RUNX1: variants seen among roughly 807,000 people sequenced by gnomAD.
The protein encoded by RUNX1 is runt-related transcription factor 1.
A neutral mutation model predicts 42.8 loss-of-function variants in RUNX1; 19 were observed. The ratio of observed to expected loss-of-function variants is 0.44; its 90% CI spans 0.31 to 0.65. The LOEUF (loss-of-function observed/expected upper bound fraction) is 0.65, where lower values mean the gene tolerates loss of function less well. Ranked by LOEUF, RUNX1 falls within the 30% of genes least tolerant of loss-of-function variation. RUNX1 has a pLI of 0.07. For missense variants in RUNX1, 528 were observed against 672.0 expected (o/e 0.79, Z 2.37); for synonymous variants, 271 against 289.4 (o/e 0.94, Z 0.64).
intron 2 of RUNX1, among the ~76,000 whole-genome samples, chr21:35,026,234 C>A (rs145274945): frequency 4.5e-4 from 69 of 152,320 alleles, no homozygotes; most frequent in African/African-American, 1.6e-3. Flanking sequence ...ACATTCTTTA[C>A]CTCGGGGGGT....
intron 7 of RUNX1, among the ~76,000 whole-genome samples, chr21:34,807,976 G>C (rs1274213973): frequency 2.0e-5 from 3 of 152,228 alleles, no homozygotes; most frequent in South Asian, 2.1e-4. Flanking sequence ...CTCTGCAGCA[G>C]GGAGCAAAGC....
At chr21:34,827,238 A>G (rs138523556) in intron 7 of RUNX1, among the ~76,000 whole-genome samples, 115 of 152,342 alleles carry the variant, frequency 7.5e-4, no homozygotes, top group African/African-American at 2.5e-3. Context: ...AGAGGGATGA[A>G]CTAGGATATT....
rs142909211 is a variant in RUNX1 at position 34,798,227 on chromosome 21, G to A, written c.967+1074C>T. ...CCCGCCCCGTTCCCCCAACACACAT[G>A]CGAGTGTGTTTGCAGGCATCATAAC... On this transcript the variant is annotated intron_variant, in intron 8 of 8. Coordinates refer to ENST00000675419, the MANE Select transcript of RUNX1 (RefSeq NM_001754.5). The A allele has an allele frequency of 3.6e-3, 1,584 of 434,054 alleles. 7 individuals carry two copies. Among genetic ancestry groups the A allele is most frequent in the Non-Finnish European group, 5.9e-3 (1,251 of 212,548 alleles). The allele number at this position is 434,054 out of a possible 1,614,324, so 26.9% of individuals were successfully genotyped here. A position where few individuals can be genotyped will look rare whatever the true frequency, so the allele number is the denominator to read the frequency against.
intron 7 of RUNX1, among the ~76,000 whole-genome samples, chr21:34,801,433 C>T (rs532596613): frequency 2.6e-5 from 4 of 152,318 alleles, no homozygotes; most frequent in Admixed American, 6.5e-5. Context: ...TTAAACCATG[C>T]AAACGTTGCA....
chr21:34,823,603 C>T (rs1487784016), intron 7 of RUNX1, among the ~76,000 whole-genome samples: 1 of 151,956 alleles, frequency 6.6e-6, no homozygotes, highest in Non-Finnish European at 1.5e-5. Context: ...GCCACCACAC[C>T]CAGCTGATTT....
intron 7 of RUNX1, among the ~76,000 whole-genome samples, chr21:34,803,933 C>T (rs2056643731): frequency 6.6e-6 from 1 of 152,182 alleles, no homozygotes; most frequent in African/African-American, 2.4e-5. Flanking sequence ...CCTGTTGCTT[C>T]TAGTTTCAGT....
At chr21:34,873,056 G>A (rs1204025483) in intron 5 of RUNX1, among the ~76,000 whole-genome samples, 2 of 152,146 alleles carry the variant, frequency 1.3e-5, no homozygotes, top group African/African-American at 2.4e-5. Flanking sequence ...ATTATGATGT[G>A]AGTTAGACTA....
At chr21:34,958,047 T>C (rs1017821735) in intron 2 of RUNX1, among the ~76,000 whole-genome samples, 7 of 152,154 alleles carry the variant, frequency 4.6e-5, no homozygotes, top group Non-Finnish European at 1.0e-4. Context: ...TCATCTTTTT[T>C]GAAAGACAGA....
At chr21:34,867,573 A>G (rs1164729169) in intron 5 of RUNX1, among the ~76,000 whole-genome samples, 2 of 152,194 alleles carry the variant, frequency 1.3e-5, no homozygotes, top group Non-Finnish European at 2.9e-5. Flanking sequence ...GCAGGGGAAA[A>G]GCTCAGGTTT....
At chr21:34,985,668 C>T (rs1324731250) in intron 2 of RUNX1, among the ~76,000 whole-genome samples, 1 of 152,126 alleles carries the variant, frequency 6.6e-6, no homozygotes, top group East Asian at 1.9e-4. Context: ...GTGGACTTGG[C>T]TTCCTTTCTC....
In RUNX1 at chr21:34,904,843, G is replaced by A. The variant is rs563361014; in HGVS notation, c.59-11880C>T. 9.8e-5 allele frequency among the ~76,000 whole-genome samples: 15 copies of A among 152,294 alleles called. No homozygotes were observed. In the South Asian group the frequency reaches 1.2e-3, roughly 13 times the overall value. ...CTTCTCGGTTTAGGAAGAACCTCAC[G>A]TTTTAGAGAAGAATATTCTAGATCA... On this transcript the variant is annotated intron_variant, in intron 2 of 8. Transcript: ENST00000675419.
chr21:34,887,501 G>A, intron 3 of RUNX1: 4 of 1,191,134 alleles, frequency 3.4e-6, no homozygotes, highest in East Asian at 3.8e-5. Flanking sequence ...AGAGTAAAAC[G>A]ATCAGCAAAC....
chr21:34,838,897 A>G (rs964536817), intron 6 of RUNX1, among the ~76,000 whole-genome samples: 1 of 151,540 alleles, frequency 6.6e-6, no homozygotes, highest in Non-Finnish European at 1.5e-5. Context: ...TTACCATACC[A>G]CATGTATATT....
At chr21:34,909,144 C>G (rs1373308323) in intron 2 of RUNX1, among the ~76,000 whole-genome samples, 3 of 152,072 alleles carry the variant, frequency 2.0e-5, no homozygotes, top group African/African-American at 7.2e-5. Flanking sequence ...GGGGTCTGAT[C>G]CGTGTGGCTC....
intron 6 of RUNX1, among the ~76,000 whole-genome samples, chr21:34,839,310 C>CAA (rs2057195830): frequency 6.6e-6 from 1 of 150,422 alleles, no homozygotes; most frequent in African/African-American, 2.5e-5. Flanking sequence ...CACACACACT[C>CAA]AGATATGTAC....
chr21:34,819,230 C>T (rs1318240834), intron 7 of RUNX1, among the ~76,000 whole-genome samples: 2 of 152,194 alleles, frequency 1.3e-5, no homozygotes, highest in African/African-American at 2.4e-5. Context: ...CAAGAAAAGT[C>T]TCTCCTCCTC....
At chr21:34,994,437 A>G (rs2058977508) in intron 2 of RUNX1, among the ~76,000 whole-genome samples, 1 of 152,150 alleles carries the variant, frequency 6.6e-6, no homozygotes, top group Non-Finnish European at 1.5e-5. Context: ...CACAAAGAAT[A>G]AATGCTGAGA....
intron 7 of RUNX1, 98 bp from the exon 8 acceptor site, chr21:34,799,560 C>G (rs533309340): frequency 9.3e-7 from 1 of 1,073,162 alleles, no homozygotes; most frequent in Non-Finnish European, 1.4e-6. Context: ...AAATATGTCA[C>G]ATACATGTAT....
At position 34,909,319 on chromosome 21, in the gene RUNX1, G is replaced by C. The variant is rs141749003; in HGVS notation, c.59-16356C>G. On this transcript the variant is annotated intron_variant, in intron 2 of 8. Transcript: ENST00000675419. ...CCTTGCTTGAGGAATTAAAATGCTT[G>C]CTCATATCACTTATATCTTTTAAAT... 2.0e-3 allele frequency among the ~76,000 whole-genome samples: 311 copies of C among 152,192 alleles called. 2 individuals carry two copies. Among genetic ancestry groups the C allele is most frequent in the African/African-American group, 7.0e-3 (292 of 41,502 alleles).
Sources: allele counts gnomAD v4.1 joint callset (sites outside exome capture counted in the v4.1 genomes callset), GRCh38; gene constraint gnomAD v4.1.1; transcripts MANE v1.5; gene names NCBI Gene and HGNC (gene_info 2026-07-23, HGNC 2026-07-21).